TENM1: variants seen among roughly 807,000 people sequenced by gnomAD.
TENM1 encodes the protein teneurin transmembrane protein 1.
In TENM1, 35 loss-of-function variants were observed where a neutral mutation model predicts 174.8. The ratio of observed to expected loss-of-function variants is 0.20; its 90% CI spans 0.15 to 0.27. The LOEUF is 0.27. Ranked by LOEUF, TENM1 falls within the 10% of genes least tolerant of loss-of-function variation. TENM1 has a pLI of 1.00. For missense variants in TENM1, 1,633 were observed against 2,130.1 expected, an observed-to-expected ratio of 0.77 and a Z score of 4.59; for synonymous variants, 781 against 798.7, an observed-to-expected ratio of 0.98 and a Z score of 0.37.
chrX:124,744,743 GAATT>G (rs764216427), intron 3 of TENM1, among the ~76,000 whole-genome samples: 17 of 112,056 alleles, frequency 1.5e-4, no homozygotes, highest in African/African-American at 5.5e-4. Flanking sequence ...GGAGGGTTAT[GAATT>G]AATTGACAGT....
At chrX:124,854,612 T>C (rs1371003491) in intron 3 of TENM1, among the ~76,000 whole-genome samples, 1 of 112,028 alleles carries the variant, frequency 8.9e-6, no homozygotes, top group Non-Finnish European at 1.9e-5. Flanking sequence ...CTAGCACATA[T>C]AGTATCATTC....
At chrX:124,962,165 G>A (rs979668506) in intron 1 of TENM1, among the ~76,000 whole-genome samples, 1 of 111,649 alleles carries the variant, frequency 9.0e-6, no homozygotes, top group Non-Finnish European at 1.9e-5. Flanking sequence ...TGGAAATGCC[G>A]GGGAGGTTAA....
the TENM1 span, among the ~76,000 whole-genome samples, chrX:125,017,200 C>A: frequency 8.9e-6 from 1 of 111,946 alleles, no homozygotes; most frequent in Non-Finnish European, 1.9e-5. Flanking sequence ...CAACAAAAGT[C>A]AAAACTGACA....
the TENM1 span, among the ~76,000 whole-genome samples, chrX:125,182,454 G>A: frequency 1.8e-4 from 8 of 45,677 alleles, no homozygotes; most frequent in African/African-American, 4.4e-4. Flanking sequence ...TTCGGCGGGC[G>A]GGGGGGGGGG....
chrX:124,886,702 G>A (rs889708308), intron 3 of TENM1, among the ~76,000 whole-genome samples: 4 of 99,027 alleles, frequency 4.0e-5, no homozygotes, highest in Admixed American at 3.4e-4. Flanking sequence ...TATCACACTA[G>A]GAAAAATGCA....
chrX:124,971,021 C>A, the TENM1 span, among the ~76,000 whole-genome samples: 1 of 106,712 alleles, frequency 9.4e-6, no homozygotes, highest in African/African-American at 3.4e-5. Flanking sequence ...TCATTCTCAG[C>A]AAACTATCAC....
chrX:124,523,319 T>G, intron 17 of TENM1, 45 bp downstream of exon 20: 1 of 1,181,418 alleles, frequency 8.5e-7, no homozygotes, highest in Non-Finnish European at 1.1e-6. Flanking sequence ...TGTTGACCAC[T>G]CCATGATATT....
intron 22 of TENM1, among the ~76,000 whole-genome samples, chrX:124,457,265 T>C (rs931211547): frequency 6.2e-5 from 7 of 112,222 alleles, no homozygotes; most frequent in Non-Finnish European, 1.1e-4. Context: ...TTAGTGCATA[T>C]AATGAAAGCA....
At chrX:124,726,021 T>C (rs1428947791) in intron 4 of TENM1, among the ~76,000 whole-genome samples, 1 of 112,087 alleles carries the variant, frequency 8.9e-6, no homozygotes, top group African/African-American at 3.2e-5. Context: ...TATAAGTATA[T>C]GGTGAGGGAG....
chrX:124,680,596 A>T (rs1311838082), intron 5 of TENM1, among the ~76,000 whole-genome samples: 2 of 110,824 alleles, frequency 1.8e-5, no homozygotes, highest in Non-Finnish European at 3.8e-5. Context: ...CATAACTCAA[A>T]TCTTATTTAT....
At chrX:124,547,351 G>A (rs1023024382) in intron 14 of TENM1, among the ~76,000 whole-genome samples, 1 of 111,645 alleles carries the variant, frequency 9.0e-6, no homozygotes, top group African/African-American at 3.3e-5. Flanking sequence ...GGAGAATATA[G>A]TTTATATAGT....
chrX:125,079,493 C>T, the TENM1 span, among the ~76,000 whole-genome samples: 3 of 111,870 alleles, frequency 2.7e-5, no homozygotes, highest in Non-Finnish European at 1.9e-5. Context: ...GAAAATCTTT[C>T]TGTATATTCC....
chrX:124,756,645 T>C (rs1280137128), intron 3 of TENM1, among the ~76,000 whole-genome samples: 2 of 110,704 alleles, frequency 1.8e-5, no homozygotes, highest in African/African-American at 6.6e-5. Flanking sequence ...TCTTTGATGA[T>C]GGTGATGTAC....
At chrX:124,628,070 T>C (rs1036183810) in intron 11 of TENM1, among the ~76,000 whole-genome samples, 1 of 111,677 alleles carries the variant, frequency 9.0e-6, no homozygotes, top group African/African-American at 3.3e-5. Context: ...TGGATACGAT[T>C]TTATTGTCAT....
At chrX:124,477,400 A>T (rs1326598155) in intron 22 of TENM1, among the ~76,000 whole-genome samples, 1 of 112,240 alleles carries the variant, frequency 8.9e-6, no homozygotes, top group African/African-American at 3.2e-5. Context: ...TTTTGTTCCC[A>T]TTGAATACAT....
chrX:124,880,587 T>C (rs1440969863), intron 3 of TENM1, among the ~76,000 whole-genome samples: 1 of 112,127 alleles, frequency 8.9e-6, no homozygotes, highest in Non-Finnish European at 1.9e-5. Flanking sequence ...AAACTGGGTA[T>C]CTTTGTCTTC....
At chrX:124,661,784 T>C (rs1174511346) in intron 6 of TENM1, among the ~76,000 whole-genome samples, 1 of 111,684 alleles carries the variant, frequency 9.0e-6, no homozygotes, top group Non-Finnish European at 1.9e-5. Context: ...AATGAGGGAA[T>C]GGCATATCTT....
At chrX:124,952,422 A>G (rs2058505025) in intron 1 of TENM1, among the ~76,000 whole-genome samples, 1 of 110,653 alleles carries the variant, frequency 9.0e-6, no homozygotes, top group South Asian at 3.9e-4. Flanking sequence ...GTATTCATAT[A>G]AAACATACAA....
At chrX:124,605,866 T>C (rs2050143570) in intron 11 of TENM1, among the ~76,000 whole-genome samples, 1 of 111,972 alleles carries the variant, frequency 8.9e-6, no homozygotes, top group Admixed American at 9.5e-5. Flanking sequence ...CTTCTTCTCA[T>C]CTTGTTATTT....
Sources: gnomAD v4.1 joint callset for allele counts (sites outside exome capture counted in the v4.1 genomes callset) on GRCh38, gnomAD v4.1.1 for gene constraint, MANE v1.5 for transcripts, NCBI Gene and HGNC (gene_info 2026-07-23, HGNC 2026-07-21) for gene names.